The following ANKDD1B variants were observed in gnomAD, a reference collection of about 807,000 sequenced individuals.
ANKDD1B encodes ankyrin repeat and death domain-containing protein 1B.
ANKDD1B carries 57 observed loss-of-function variants against 59.7 expected under a neutral mutation model. The ratio of observed to expected loss-of-function variants is 0.95; its 90% CI spans 0.77 to 1.19. The LOEUF is 1.19. Ranked by LOEUF, ANKDD1B falls within the 50% of genes most tolerant of loss-of-function variation. The probability of loss-of-function intolerance (pLI) is 0.00; values close to 1 mark genes in which losing one functional copy is unlikely to be tolerated. For missense variants in ANKDD1B, 602 were observed against 641.9 expected (o/e 0.94, Z 0.67); for synonymous variants, 216 against 239.5 (o/e 0.90, Z 0.91).
Position 75,650,310 on chromosome 5 carries a change from T to C in ANKDD1B, c.799-2832T>C, listed in dbSNP as rs1231627292. ...AGAGGAAGAGGGAGGCAGACGAAGA[T>C]GTCAGTGATGCAATGTGAGAAGGCC... On this transcript the variant is annotated intron_variant, in intron 7 of 13. Transcript: ENST00000601380. Among the ~76,000 whole-genome samples the C allele has an allele frequency of 4.6e-5, 7 of 152,302 alleles. No homozygotes were observed. In the South Asian group the frequency reaches 1.5e-3, roughly 32 times the overall value.
At chr5:75,625,321 ATCTGT>A (rs1361978740) in intron 3 of ANKDD1B, among the ~76,000 whole-genome samples, 4 of 152,142 alleles carry the variant, frequency 2.6e-5, no homozygotes, top group African/African-American at 9.7e-5. Context: ...TTTATTATCT[ATCTGT>A]TCTAACTCTG....
At chr5:75,630,951 AT>A (rs1369414012) in intron 5 of ANKDD1B, among the ~76,000 whole-genome samples, 1 of 152,196 alleles carries the variant, frequency 6.6e-6, no homozygotes, top group Non-Finnish European at 1.5e-5. Context: ...TTAAATGTTT[AT>A]ATATAAATCT....
intron 7 of ANKDD1B, among the ~76,000 whole-genome samples, chr5:75,642,091 T>G (rs943651460): frequency 2.6e-5 from 4 of 152,138 alleles, no homozygotes; most frequent in African/African-American, 9.7e-5. Flanking sequence ...TATAGTATAG[T>G]AAATATTAAT....
intron 4 of ANKDD1B, 21 bp downstream of exon 4, chr5:75,625,766 T>A (rs2112965166): frequency 6.5e-7 from 1 of 1,534,376 alleles, no homozygotes. Context: ...GGGTCACACC[T>A]GGACAAAAGC....
In ANKDD1B at chr5:75,642,016, G is replaced by C. The variant is rs1022092145; in HGVS notation, c.798+6134G>C. ...AATTATGTAGCTGTTAAAAATTATAGTGATAAATACTAAAAATATGTTGCA... is the reference window on the plus strand; with the variant it reads ...AATTATGTAGCTGTTAAAAATTATACTGATAAATACTAAAAATATGTTGCA... On this transcript the variant is annotated intron_variant, in intron 7 of 13. Coordinates refer to ENST00000601380, the MANE Select transcript of ANKDD1B (RefSeq NM_001276713.2). 1.1e-4 allele frequency among the ~76,000 whole-genome samples: 17 copies of C among 152,210 alleles called. No individual in the cohort carries two copies. In the South Asian group the frequency reaches 1.5e-3, roughly 13 times the overall value.
At chr5:75,654,609 G>A (rs900649121) in intron 8 of ANKDD1B, among the ~76,000 whole-genome samples, 3 of 152,066 alleles carry the variant, frequency 2.0e-5, no homozygotes, top group Non-Finnish European at 2.9e-5. Flanking sequence ...GAACCCAGGA[G>A]TTTCAGGTTA....
chr5:75,665,485 A>G (rs1378632777), intron 11 of ANKDD1B, among the ~76,000 whole-genome samples: 1 of 152,034 alleles, frequency 6.6e-6, no homozygotes, highest in Non-Finnish European at 1.5e-5. Flanking sequence ...CACAGCTCCC[A>G]AGTTTGCTGG....
rs564787429 is a variant in ANKDD1B, at chr5:75,653,255, A to G, written c.897+15A>G. On this transcript the variant is annotated intron_variant, in intron 8 of 13. Coordinates refer to ENST00000601380, the MANE Select transcript of ANKDD1B (RefSeq NM_001276713.2). Reference sequence around the variant, plus strand: ...AGAAAGTGGAAGTGAGTTTATTCCAATGACACGGGCTTTGGTCCTGGCGCC... The same window carrying G: ...AGAAAGTGGAAGTGAGTTTATTCCAGTGACACGGGCTTTGGTCCTGGCGCC... 7.9e-4 allele frequency: 1,206 copies of G among 1,527,608 alleles called. 1 individual carries two copies. The highest frequency in any genetic ancestry group is 9.3e-4 in the Non-Finnish European group (1,054 of 1,139,222). The allele number at this position is 1,527,608 out of a possible 1,614,324, so 94.6% of individuals were successfully genotyped here. A position where few individuals can be genotyped will look rare whatever the true frequency, so the allele number is the denominator to read the frequency against.
rs1326549310 is a variant in ANKDD1B, at chr5:75,671,253, T to G, written c.*213T>G. 1 of 345,422 alleles carries G rather than the reference T, an allele frequency of 2.9e-6. No homozygotes were observed. Among genetic ancestry groups the G allele is most frequent in the African/African-American group, 2.1e-5 (1 of 47,400 alleles). 21.4% of individuals were successfully genotyped at this position (345,422 alleles called of 1,614,324 possible). On this transcript the variant is annotated 3_prime_UTR_variant, in exon 14 of 14. Coordinates refer to ENST00000601380, the MANE Select transcript of ANKDD1B (RefSeq NM_001276713.2). Reference sequence around the variant, plus strand: ...TTGCTGAGGGCAAGTTGTATGTGATTTTCCCATTTCTATCAATCATTTGAT... The same window carrying G: ...TTGCTGAGGGCAAGTTGTATGTGATGTTCCCATTTCTATCAATCATTTGAT...
intron 3 of ANKDD1B, among the ~76,000 whole-genome samples, chr5:75,623,612 T>G (rs1297856880): frequency 6.6e-6 from 1 of 152,108 alleles, no homozygotes; most frequent in Non-Finnish European, 1.5e-5. Context: ...AATATAAATT[T>G]GATAGGATAT....
chr5:75,628,590 T>A (rs1341076989), intron 5 of ANKDD1B, among the ~76,000 whole-genome samples: 1 of 152,182 alleles, frequency 6.6e-6, no homozygotes, highest in Non-Finnish European at 1.5e-5. Flanking sequence ...CAGAAAGTGA[T>A]TGAGAGCTTG....
At chr5:75,641,712 C>A (rs1774468912) in intron 7 of ANKDD1B, among the ~76,000 whole-genome samples, 2 of 152,160 alleles carry the variant, frequency 1.3e-5, no homozygotes, top group Admixed American at 1.3e-4. Context: ...AGAATAAATT[C>A]CCAATCAAGA....
intron 2 of ANKDD1B, among the ~76,000 whole-genome samples, chr5:75,618,201 TTGA>T (rs1773762508): frequency 6.6e-6 from 1 of 152,138 alleles, no homozygotes; most frequent in African/African-American, 2.4e-5. Context: ...GCAAGTCTCT[TTGA>T]AGGGAATATT....
intron 7 of ANKDD1B, 88 bp from the exon 8 acceptor site, chr5:75,653,054 T>C: frequency 1.1e-6 from 1 of 875,424 alleles, no homozygotes; most frequent in Non-Finnish European, 1.8e-6. Flanking sequence ...TATTTCATTG[T>C]ATTAACTGAT....
At chr5:75,620,999 G>A (rs1164997611) in intron 3 of ANKDD1B, among the ~76,000 whole-genome samples, 2 of 152,170 alleles carry the variant, frequency 1.3e-5, no homozygotes, top group Admixed American at 6.5e-5. Flanking sequence ...AAGTAGGGGA[G>A]GGTAACAAGA....
intron 12 of ANKDD1B, among the ~76,000 whole-genome samples, chr5:75,667,382 GAATGGGTTCATTCTGT>G (rs1383721391): frequency 2.0e-5 from 3 of 152,192 alleles, no homozygotes; most frequent in Non-Finnish European, 2.9e-5. Flanking sequence ...GTCCTGGGGT[GAATGGGTTCATTCTGT>G]AATCAATAGG....
rs1773727555 is a variant in ANKDD1B, at chr5:75,616,797, C to T, written c.194-7C>T. 6.9e-7 allele frequency: 1 copy of T among 1,446,430 alleles called. No homozygotes were observed. The highest frequency in any genetic ancestry group is 1.4e-5 in the African/African-American group (1 of 70,928). 89.6% of individuals were successfully genotyped at this position (1,446,430 alleles called of 1,614,324 possible). ...CCCTCAGTCATGCTTGCTTTGCTTT[C>T]TTTCAGTACTCCCAAATGAGAGAAG... is the stretch of plus-strand genomic sequence containing the variant. On this transcript the variant is annotated splice_region_variant and splice_polypyrimidine_tract_variant and intron_variant, in intron 1 of 13. Coordinates refer to ENST00000601380, the MANE Select transcript of ANKDD1B (RefSeq NM_001276713.2).
chr5:75,646,745 A>T (rs1579958978), intron 7 of ANKDD1B, among the ~76,000 whole-genome samples: 1 of 81,136 alleles, frequency 1.2e-5, no homozygotes, highest in South Asian at 3.9e-4. Context: ...AATTGGAAAA[A>T]ACTACTTTAA....
In ANKDD1B at chr5:75,634,913, T is replaced by C. The variant is rs1257236448; in HGVS notation, c.616T>C (p.Phe206Leu). ...NQPDEKGRKP[F>L]LLAAERGHVE... ...TGATTTTTAGAAAGGAAGAAAACCA[T>C]TTCTTTTGGCAGCTGAGAGGGGCCA... Residue 206 changes from phenylalanine (F) to leucine (L), a missense_variant, in exon 6 of 14, where the codon TTT becomes CTT. Physicochemically the swap from Phe to Leu is conservative, Grantham distance 22. Coordinates refer to ENST00000601380, the MANE Select transcript of ANKDD1B (RefSeq NM_001276713.2). 6.5e-7 allele frequency: 1 copy of C among 1,533,952 alleles called. No individual in the cohort carries two copies. Among genetic ancestry groups the C allele is most frequent in the Admixed American group, 2.0e-5 (1 of 50,972 alleles).
Sources: gnomAD v4.1 joint callset for allele counts (sites outside exome capture counted in the v4.1 genomes callset) on GRCh38, gnomAD v4.1.1 for gene constraint, MANE v1.5 for transcripts, NCBI Gene and HGNC (gene_info 2026-07-23, HGNC 2026-07-21) for gene names.